ADARB2: variants seen among roughly 807,000 people sequenced by gnomAD.
ADARB2 encodes inactive double-stranded RNA-specific editase B2.
ADARB2 carries 25 observed loss-of-function variants against 62.2 expected under a neutral mutation model. The ratio of observed to expected loss-of-function variants is 0.40; its 90% confidence interval spans 0.29 to 0.56. ADARB2 has a LOEUF of 0.56. Among genes scored for constraint, ADARB2 ranks in the 20% least tolerant of loss-of-function variants. The probability of loss-of-function intolerance (pLI) is 0.43; values close to 1 mark genes in which losing one functional copy is unlikely to be tolerated. For missense variants in ADARB2, 1,071 were observed against 1,077.4 expected, an observed-to-expected ratio of 0.99 and a Z score of 0.08; for synonymous variants, 572 against 500.8, an observed-to-expected ratio of 1.14 and a Z score of -1.90.
chr10:1,462,658 TGA>T (rs1352468142), intron 1 of ADARB2, among the ~76,000 whole-genome samples: 1 of 150,356 alleles, frequency 6.7e-6, no homozygotes, highest in Non-Finnish European at 1.5e-5. Flanking sequence ...TGTATGTACA[TGA>T]GTGTATGTGC....
Position 1,690,353 on chromosome 10 carries a change from A to T in ADARB2, c.100+46698T>A, listed in dbSNP as rs562104099. Among the ~76,000 whole-genome samples, 3 of 152,356 alleles carry T rather than the reference A, an allele frequency of 2.0e-5. No homozygotes were observed. In the South Asian group the frequency reaches 6.2e-4, roughly 32 times the overall value. On this transcript the variant is annotated intron_variant, in intron 1 of 9. Transcript: ENST00000381312. ...ATGACATATCTGCTTCCAGATATTA[A>T]ATACAAGTTGTCGTGTGTGGGTGTA... is the stretch of plus-strand genomic sequence containing the variant.
At position 1,363,383 on chromosome 10, in the gene ADARB2, G is replaced by T; in HGVS notation, c.722C>A (p.Pro241His). ...APRPGLAGGRPGDAALLSAAY... is the reference protein window; with the variant it reads ...APRPGLAGGRHGDAALLSAAY... Reference sequence around the variant, plus strand: ...CGCGGACAGAAGCGCGGCGTCCCCGGGGCGGCCTCCCGCGAGTCCGGGGCG... The same window carrying T: ...CGCGGACAGAAGCGCGGCGTCCCCGTGGCGGCCTCCCGCGAGTCCGGGGCG... The change falls in exon 3 of 10, where the codon CCC becomes CAC. Residue 241 changes from proline to histidine, a missense_variant. Coordinates refer to ENST00000381312, the MANE Select transcript of ADARB2 (RefSeq NM_018702.4). 1 of 1,334,180 alleles carries T rather than the reference G, an allele frequency of 7.5e-7. No homozygotes were observed. Among genetic ancestry groups the T allele is most frequent in the Non-Finnish European group, 9.6e-7 (1 of 1,041,558 alleles). The allele number at this position is 1,334,180 out of a possible 1,614,324, so 82.6% of individuals were successfully genotyped here. A position where few individuals can be genotyped will look rare whatever the true frequency, so the allele number is the denominator to read the frequency against.
chr10:1,294,670 G>A (rs530949600), intron 3 of ADARB2, among the ~76,000 whole-genome samples: 2 of 152,192 alleles, frequency 1.3e-5, no homozygotes, highest in African/African-American at 4.8e-5. Flanking sequence ...CTGTTATCTT[G>A]CCCCCAACGT....
chr10:1,418,388 G>A (rs1304877952), intron 1 of ADARB2, among the ~76,000 whole-genome samples: 3 of 152,130 alleles, frequency 2.0e-5, no homozygotes, highest in African/African-American at 7.2e-5. Flanking sequence ...CTTTCTCCAG[G>A]GCTGCTCTGG....
At chr10:1,729,302 C>T (rs1046381850) in intron 1 of ADARB2, among the ~76,000 whole-genome samples, 3 of 152,192 alleles carry the variant, frequency 2.0e-5, no homozygotes, top group Non-Finnish European at 4.4e-5. Context: ...TAATTGTACA[C>T]ATCAGATAGT....
At chr10:1,334,268 G>T (rs1011028537) in intron 3 of ADARB2, among the ~76,000 whole-genome samples, 1 of 152,218 alleles carries the variant, frequency 6.6e-6, no homozygotes, top group South Asian at 2.1e-4. Context: ...GTATGGAAGA[G>T]ATCAGGCCGC....
At position 1,271,019 on chromosome 10, in the gene ADARB2, C is replaced by T. The variant is rs747294043; in HGVS notation, c.1128G>A (p.Val376=). Residue 376 remains valine, a synonymous_variant, in exon 4 of 10, where the codon GTG becomes GTA. Coordinates refer to ENST00000381312, the MANE Select transcript of ADARB2 (RefSeq NM_018702.4). ...SQLVTQKFRE[V]TTDLTPMHAR... is the part of the protein sequence containing the mutation. ...CGTGCATGGGCGTGAGGTCCGTCGT[C>T]ACCTCGCGGAACTTCTGTGTGACCA... 34 of 1,613,842 alleles carry T rather than the reference C, an allele frequency of 2.1e-5. No individual in the cohort carries two copies. Among genetic ancestry groups the T allele is most frequent in the Middle Eastern group, 1.6e-4 (1 of 6,084 alleles).
At chr10:1,562,409 C>T (rs925107684) in intron 1 of ADARB2, among the ~76,000 whole-genome samples, 1 of 151,928 alleles carries the variant, frequency 6.6e-6, no homozygotes, top group Non-Finnish European at 1.5e-5. Flanking sequence ...TTACGAGCCT[C>T]ACTCCATCAC....
chr10:1,513,818 TCAC>T (rs1417984801), intron 1 of ADARB2, among the ~76,000 whole-genome samples: 1 of 152,176 alleles, frequency 6.6e-6, no homozygotes, highest in African/African-American at 2.4e-5. Context: ...TGCTTGTCTA[TCAC>T]CTTTCTGGCG....
chr10:1,529,820 C>T (rs1832200962), intron 1 of ADARB2, among the ~76,000 whole-genome samples: 1 of 152,204 alleles, frequency 6.6e-6, no homozygotes, highest in African/African-American at 2.4e-5. Context: ...GACAGGGTAT[C>T]TCCACCACCA....
chr10:1,341,176 T>C (rs1360628087), intron 3 of ADARB2, among the ~76,000 whole-genome samples: 3,242 of 63,416 alleles, frequency 0.051, no homozygotes, highest in Middle Eastern at 0.17. Context: ...CAGAGAACCA[T>C]GTGCCCCACA....
chr10:1,262,074 T>C (rs1831143764), intron 4 of ADARB2, among the ~76,000 whole-genome samples: 1 of 138,192 alleles, frequency 7.2e-6, no homozygotes, highest in African/African-American at 2.9e-5. Context: ...TTCTCACTCA[T>C]AGGTGGGAAT....
At chr10:1,610,511 C>G (rs1833554053) in intron 1 of ADARB2, among the ~76,000 whole-genome samples, 1 of 152,200 alleles carries the variant, frequency 6.6e-6, no homozygotes, top group African/African-American at 2.4e-5. Context: ...GGCACTGGGG[C>G]CTGTAAACCT....
chr10:1,427,645 C>G (rs1441671835), intron 1 of ADARB2, among the ~76,000 whole-genome samples: 1 of 152,168 alleles, frequency 6.6e-6, no homozygotes, highest in Non-Finnish European at 1.5e-5. Context: ...AATGTTACAG[C>G]CACTCTGGAA....
intron 1 of ADARB2, among the ~76,000 whole-genome samples, chr10:1,481,541 A>C (rs1588273312): frequency 6.6e-6 from 1 of 152,336 alleles, no homozygotes; most frequent in East Asian, 1.9e-4. Context: ...AATATTTGCA[A>C]ATCATATATT....
chr10:1,510,020 CTTTT>C (rs1354470902), intron 1 of ADARB2, among the ~76,000 whole-genome samples: 1 of 148,064 alleles, frequency 6.8e-6, no homozygotes, highest in Non-Finnish European at 1.5e-5. Flanking sequence ...TTTCTTCTTT[CTTTT>C]TTCTCTTTCT....
intron 1 of ADARB2, among the ~76,000 whole-genome samples, chr10:1,562,372 C>T (rs370207197): frequency 2.0e-5 from 3 of 152,282 alleles, no homozygotes; most frequent in East Asian, 3.9e-4. Context: ...AGGTTAGGAT[C>T]GGGGCTCTGC....
intron 1 of ADARB2, among the ~76,000 whole-genome samples, chr10:1,683,964 G>T (rs958482222): frequency 6.6e-6 from 1 of 152,206 alleles, no homozygotes; most frequent in African/African-American, 2.4e-5. Context: ...TCCGGTGTGC[G>T]TGAAAGACCA....
intron 1 of ADARB2, among the ~76,000 whole-genome samples, chr10:1,652,567 GAA>G (rs1386704646): frequency 6.6e-6 from 1 of 152,180 alleles, no homozygotes; most frequent in African/African-American, 2.4e-5. Flanking sequence ...GTGTGCAAAA[GAA>G]AGTCATTGCT....
Sources: gnomAD v4.1 joint callset for allele counts (sites outside exome capture counted in the v4.1 genomes callset) on GRCh38, gnomAD v4.1.1 for gene constraint, MANE v1.5 for transcripts, NCBI Gene and HGNC (gene_info 2026-07-23, HGNC 2026-07-21) for gene names.